The following PTPA variants were observed in gnomAD, a reference collection of about 807,000 sequenced individuals.
PTPA encodes serine/threonine-protein phosphatase 2A activator.
Under a neutral mutation model 43.6 loss-of-function variants are expected in PTPA, and 13 were observed. The observed-to-expected ratio is 0.30, with a 90% confidence interval of 0.19 to 0.47. PTPA has a LOEUF of 0.47. Among genes scored for constraint, PTPA ranks in the 20% least tolerant of loss-of-function variants. The probability of loss-of-function intolerance (pLI) is 0.99; values close to 1 mark genes in which losing one functional copy is unlikely to be tolerated. For synonymous variants in PTPA, 172 were observed against 158.2 expected, an observed-to-expected ratio of 1.09 and a Z score of -0.66; for missense variants, 329 against 411.9, an observed-to-expected ratio of 0.80 and a Z score of 1.74.
chr9:129,117,029 C>A (rs997353687), intron 1 of PTPA, among the ~76,000 whole-genome samples: 1 of 152,108 alleles, frequency 6.6e-6, no homozygotes, highest in African/African-American at 2.4e-5. Context: ...ATTAATTACA[C>A]ATCATCTTAT....
chr9:129,120,542 C>G lies in PTPA; in HGVS notation c.61C>G (p.Gln21Glu). Residue 21 changes from glutamine to glutamate, a missense_variant, in exon 2 of 10, where the codon CAG becomes GAG. Transcript: ENST00000393370. ...DSSEEAPPAT[Q>E]NFIIPKKEIH... is the part of the protein sequence containing the mutation. ...TTCAGAGGAGGCCCCTCCAGCCACT[C>G]AGAACTTCATCATTCCAAAAAAGGA... is the stretch of plus-strand genomic sequence containing the variant. 2 of 1,606,262 alleles carry G rather than the reference C, an allele frequency of 1.2e-6. No individual in the cohort carries two copies. The highest frequency in any genetic ancestry group is 1.1e-5 in the South Asian group (1 of 90,268).
rs773103942 is a variant in PTPA at position 129,142,495 on chromosome 9, C to T, written c.837C>T (p.Ser279=). 41 of 1,611,796 alleles carry T rather than the reference C, an allele frequency of 2.5e-5. No homozygotes were observed. Among genetic ancestry groups the T allele is most frequent in the Middle Eastern group, 1.6e-4 (1 of 6,074 alleles). The change falls in exon 9 of 10, where the codon AGC becomes AGT. Residue 279 remains serine (S), a synonymous_variant. Coordinates refer to ENST00000393370, the MANE Select transcript of PTPA (RefSeq NM_178000.3). ...ACTCCAACCAGCTGTGGAACATCAGCGCCGTCCCTTCCTGGTCCAAAGTGA... is the reference window on the plus strand; with the variant it reads ...ACTCCAACCAGCTGTGGAACATCAGTGCCGTCCCTTCCTGGTCCAAAGTGA... The part of the protein sequence containing the change: ...AEHSNQLWNI[S]AVPSWSKVNQ...
At chr9:129,122,105 T>A (rs924345214) in intron 2 of PTPA, among the ~76,000 whole-genome samples, 1 of 151,874 alleles carries the variant, frequency 6.6e-6, no homozygotes, top group Non-Finnish European at 1.5e-5. Context: ...TGCACCTCAA[T>A]GCTATTTTTT....
At chr9:129,133,745 C>A (rs1163941586) in intron 5 of PTPA, among the ~76,000 whole-genome samples, 2 of 152,218 alleles carry the variant, frequency 1.3e-5, no homozygotes, top group Non-Finnish European at 2.9e-5. Flanking sequence ...TGAGCTCTTT[C>A]CTATGGCCAA....
intron 2 of PTPA, among the ~76,000 whole-genome samples, chr9:129,121,985 C>T (rs1217454748): frequency 6.6e-6 from 1 of 152,174 alleles, no homozygotes; most frequent in Non-Finnish European, 1.5e-5. Flanking sequence ...TTACTGTGGA[C>T]ACCCCGGCTT....
chr9:129,142,856 C>T (rs1313357975), intron 9 of PTPA: 22 of 1,527,392 alleles, frequency 1.4e-5, no homozygotes, highest in Non-Finnish European at 1.8e-5. Context: ...CCTCCCTTCT[C>T]CTTTATCAAG....
intron 4 of PTPA, 141 bp downstream of exon 4, chr9:129,129,251 A>G (rs1049990647): frequency 8.9e-6 from 11 of 1,232,328 alleles, no homozygotes; most frequent in African/African-American, 6.1e-5. Flanking sequence ...TCACTTAGCA[A>G]AATTACAAAT....
chr9:129,111,794 G>A, intron 1 of PTPA, 163 bp downstream of exon 1: 1 of 1,231,596 alleles, frequency 8.1e-7, no homozygotes, highest in East Asian at 3.2e-5. Flanking sequence ...GGGGAGAGGT[G>A]GGTGGTGGGG....
intron 9 of PTPA, among the ~76,000 whole-genome samples, chr9:129,144,148 A>G (rs905630055): frequency 5.9e-5 from 9 of 151,888 alleles, no homozygotes; most frequent in Admixed American, 1.3e-4. Context: ...CTGCCCTTCC[A>G]GAGACAAAAG....
At chr9:129,137,727 G>A (rs1340882075) in intron 8 of PTPA, 35 bp downstream of exon 8, 21 of 1,520,624 alleles carry the variant, frequency 1.4e-5, no homozygotes, top group Admixed American at 7.6e-5. Context: ...GCCCATGGCT[G>A]CCTCCAGGCT....
chr9:129,130,565 G>T (rs373110369), intron 4 of PTPA, among the ~76,000 whole-genome samples: 4 of 152,064 alleles, frequency 2.6e-5, no homozygotes, highest in African/African-American at 9.7e-5. Context: ...GCTAATTTTT[G>T]TGTTTTTAGT....
rs918887576 is a variant in PTPA, at chr9:129,140,955, A to G, written c.787-1490A>G. On this transcript the variant is annotated intron_variant, in intron 8 of 9. Transcript: ENST00000393370. The stretch of plus-strand genomic sequence containing the variant: ...GATTCTGAGTGAAGCGAGTGGTCCA[A>G]GACAAGGCCCCCAGGGACCAGAGTG... Among the ~76,000 whole-genome samples, 3 of 152,038 alleles carry G rather than the reference A, an allele frequency of 2.0e-5. No homozygotes were observed. The East Asian group carries it at 5.8e-4, about 29-fold the overall frequency.
intron 1 of PTPA, among the ~76,000 whole-genome samples, chr9:129,113,544 G>A (rs1002630401): frequency 8.6e-5 from 13 of 151,424 alleles, no homozygotes; most frequent in East Asian, 2.0e-4. Context: ...CGACACAGGC[G>A]GATCACTTGA....
chr9:129,138,330 C>T (rs1016831576), intron 8 of PTPA, among the ~76,000 whole-genome samples: 1 of 152,320 alleles, frequency 6.6e-6, no homozygotes, highest in East Asian at 1.9e-4. Context: ...GCGAGATCTC[C>T]TAGTGTGTTT....
intron 9 of PTPA, among the ~76,000 whole-genome samples, chr9:129,145,864 G>C (rs978143972): frequency 6.6e-6 from 1 of 152,138 alleles, no homozygotes; most frequent in African/African-American, 2.4e-5. Flanking sequence ...GTCTGAAGCC[G>C]CTGCTCCGCC....
intron 1 of PTPA, among the ~76,000 whole-genome samples, chr9:129,116,822 C>T (rs2131542977): frequency 6.6e-6 from 1 of 152,174 alleles, no homozygotes; most frequent in East Asian, 1.9e-4. Context: ...TGAGCCACTT[C>T]ACCTGGCTAA....
intron 8 of PTPA, among the ~76,000 whole-genome samples, chr9:129,138,931 T>C (rs571253744): frequency 1.3e-5 from 2 of 152,280 alleles, no homozygotes; most frequent in East Asian, 3.9e-4. Context: ...CGGGAGGACT[T>C]GGGGGCAGCC....
chr9:129,143,865 G>C (rs576603355), intron 9 of PTPA, among the ~76,000 whole-genome samples: 3 of 151,272 alleles, frequency 2.0e-5, no homozygotes, highest in South Asian at 4.2e-4. Context: ...CCCCACCCCC[G>C]CCTGTCCCAC....
In PTPA at chr9:129,113,070, C is replaced by CAA. The variant is rs36041340; in HGVS notation, c.31+1449_31+1450dup. ...GGCTGATGAGCTAAAAAAAAAGTCG[C>CAA]AAAAAAAAAAATCTCATAATGGTTT... On this transcript the variant is annotated intron_variant, in intron 1 of 9. Coordinates refer to ENST00000393370, the MANE Select transcript of PTPA (RefSeq NM_178000.3). Among the ~76,000 whole-genome samples the CAA allele has an allele frequency of 0.011, 1,612 of 149,020 alleles. 48 individuals are homozygous for CAA. The East Asian group carries it at 0.11, about 11-fold the overall frequency.
Sources: allele counts gnomAD v4.1 joint callset (sites outside exome capture counted in the v4.1 genomes callset), GRCh38; gene constraint gnomAD v4.1.1; transcripts MANE v1.5; gene names NCBI Gene and HGNC (gene_info 2026-07-23, HGNC 2026-07-21).